Variants in EMCN observed in about 807,000 individuals in gnomAD.
EMCN encodes the protein MUC-14.
A neutral mutation model predicts 38.4 loss-of-function variants in EMCN; 37 were observed. The observed-to-expected ratio is 0.96, with a 90% CI of 0.74 to 1.27. The LOEUF (loss-of-function observed/expected upper bound fraction) is 1.27. Ranked by LOEUF, EMCN falls within the 50% of genes most tolerant of loss-of-function variation. The pLI is 0.00. For missense variants in EMCN, 318 were observed against 302.8 expected (o/e 1.05, Z -0.37); for synonymous variants, 95 against 100.8 (o/e 0.94, Z 0.35).
intron 8 of EMCN, 59 bp downstream of exon 8, chr4:100,421,223 A>G: frequency 7.3e-7 from 1 of 1,377,634 alleles, no homozygotes; most frequent in Non-Finnish European, 1.0e-6. Context: ...TTTAAAATCA[A>G]GTTTAAACTG....
At chr4:100,451,254 TA>T (rs1453703552) in intron 4 of EMCN, among the ~76,000 whole-genome samples, 3 of 151,714 alleles carry the variant, frequency 2.0e-5, no homozygotes, top group East Asian at 3.8e-4. Context: ...AGAAAAACAC[TA>T]AAAAAATAAT....
chr4:100,514,084 G>A (rs946669645), intron 1 of EMCN, among the ~76,000 whole-genome samples: 5 of 151,992 alleles, frequency 3.3e-5, no homozygotes, highest in Admixed American at 6.6e-5. Context: ...TTGGATTCAG[G>A]ACTAAAGAAC....
chr4:100,407,795 A>G (rs1726436300), intron 11 of EMCN, among the ~76,000 whole-genome samples: 4 of 152,192 alleles, frequency 2.6e-5, no homozygotes, highest in Admixed American at 2.0e-4. Context: ...GGACATTTTC[A>G]TGGACAATAT....
chr4:100,462,253 A>T (rs937423715), intron 4 of EMCN, among the ~76,000 whole-genome samples: 3 of 152,216 alleles, frequency 2.0e-5, no homozygotes, highest in African/African-American at 7.2e-5. Flanking sequence ...TTCATTTCTT[A>T]AGAAAATGGC....
chr4:100,457,816 A>T (rs971314005), intron 4 of EMCN, among the ~76,000 whole-genome samples: 1 of 152,050 alleles, frequency 6.6e-6, no homozygotes, highest in African/African-American at 2.4e-5. Flanking sequence ...AGTCTCATAG[A>T]ATGCATTTGA....
chr4:100,466,743 G>T (rs1156392477), intron 3 of EMCN, among the ~76,000 whole-genome samples: 1 of 152,174 alleles, frequency 6.6e-6, no homozygotes, highest in African/African-American at 2.4e-5. Flanking sequence ...CATGGAAGTG[G>T]GACAGGTCAC....
chr4:100,502,050 G>A (rs1333294125), intron 1 of EMCN, among the ~76,000 whole-genome samples: 1 of 152,152 alleles, frequency 6.6e-6, no homozygotes, highest in Non-Finnish European at 1.5e-5. Flanking sequence ...CCACGTAAAG[G>A]AAGTGAGGTT....
intron 1 of EMCN, among the ~76,000 whole-genome samples, chr4:100,482,649 G>C (rs956632876): frequency 6.6e-6 from 1 of 151,998 alleles, no homozygotes; most frequent in African/African-American, 2.4e-5. Context: ...AAATACTGAA[G>C]GCGAACTGTA....
At chr4:100,486,139 G>A (rs185370299) in intron 1 of EMCN, among the ~76,000 whole-genome samples, 172 of 152,208 alleles carry the variant, frequency 1.1e-3, no homozygotes, top group African/African-American at 4.0e-3. Flanking sequence ...ACTATACATA[G>A]CTGGTTCTAC....
intron 1 of EMCN, among the ~76,000 whole-genome samples, chr4:100,489,588 A>C (rs1423654235): frequency 1.3e-5 from 2 of 152,202 alleles, no homozygotes; most frequent in Non-Finnish European, 2.9e-5. Context: ...TGGTGATGCT[A>C]GTATAAAAAA....
At chr4:100,497,306 A>C (rs1018567757) in intron 1 of EMCN, among the ~76,000 whole-genome samples, 2 of 151,346 alleles carry the variant, frequency 1.3e-5, no homozygotes, top group African/African-American at 4.8e-5. Context: ...GTCAATCTAA[A>C]GAAGATTTAG....
intron 5 of EMCN, among the ~76,000 whole-genome samples, chr4:100,444,928 G>T (rs1244317484): frequency 1.3e-5 from 2 of 152,248 alleles, no homozygotes; most frequent in East Asian, 3.9e-4. Context: ...GAAGTCTCTA[G>T]TGCAAAGACT....
chr4:100,416,623 A>G (rs1726743014), intron 9 of EMCN, among the ~76,000 whole-genome samples: 1 of 152,192 alleles, frequency 6.6e-6, no homozygotes. Flanking sequence ...AACAAGGAAA[A>G]CAGGGTTTGT....
At chr4:100,470,388 A>AAAAAAT (rs1728443607) in intron 3 of EMCN, among the ~76,000 whole-genome samples, 1 of 151,214 alleles carries the variant, frequency 6.6e-6, no homozygotes, top group African/African-American at 2.4e-5. Flanking sequence ...TAAAAAAAAA[A>AAAAAAT]ACAGGTGCCA....
rs113234913 is a variant in EMCN, at chr4:100,447,205, T to C, written c.415+328A>G. 4.6e-3 allele frequency among the ~76,000 whole-genome samples: 708 copies of C among 152,318 alleles called. 7 individuals are homozygous for C. The highest frequency in any genetic ancestry group is 0.016 in the African/African-American group (675 of 41,580). Reference sequence around the variant, plus strand: ...TTAGAAAGTAAGAGAAGACATTTTGTACTTCTGGGAGAGGTCACACTGACA... The same window carrying C: ...TTAGAAAGTAAGAGAAGACATTTTGCACTTCTGGGAGAGGTCACACTGACA... On this transcript the variant is annotated intron_variant, in intron 5 of 11. Coordinates refer to ENST00000296420, the MANE Select transcript of EMCN (RefSeq NM_016242.4).
chr4:100,505,320 A>G (rs1257368720), intron 1 of EMCN, among the ~76,000 whole-genome samples: 2 of 151,888 alleles, frequency 1.3e-5, no homozygotes, highest in Non-Finnish European at 2.9e-5. Context: ...GGGGAGAAAA[A>G]CTCACTGACC....
chr4:100,429,455 G>C (rs1727139727), intron 5 of EMCN, among the ~76,000 whole-genome samples: 1 of 152,040 alleles, frequency 6.6e-6, no homozygotes. Flanking sequence ...AATATCACAG[G>C]AGGAATTTTC....
chr4:100,503,827 A>G (rs79955546), intron 1 of EMCN, among the ~76,000 whole-genome samples: 3,268 of 152,240 alleles, frequency 0.021, 58 homozygotes, highest in Non-Finnish European at 0.036. Flanking sequence ...ATATTGATTT[A>G]TTATCTAATT....
chr4:100,509,700 T>C (rs1729576296), intron 1 of EMCN, among the ~76,000 whole-genome samples: 1 of 152,220 alleles, frequency 6.6e-6, no homozygotes, highest in Non-Finnish European at 1.5e-5. Flanking sequence ...TTTGTGTGTG[T>C]GATTTTTATA....
Sources: gnomAD v4.1 joint callset for allele counts (sites outside exome capture counted in the v4.1 genomes callset) on GRCh38, gnomAD v4.1.1 for gene constraint, MANE v1.5 for transcripts, NCBI Gene and HGNC (gene_info 2026-07-23, HGNC 2026-07-21) for gene names.